NAB1: variants seen among roughly 807,000 people sequenced by gnomAD.
NAB1 encodes the protein NGFI-A binding protein 1, also known as NGFI-A-binding protein 1.
A neutral mutation model predicts 49.9 loss-of-function variants in NAB1; 25 were observed. That is an observed-to-expected ratio of 0.50 (90% confidence interval 0.37 to 0.70). NAB1 has a LOEUF of 0.70. NAB1 is among the 30% of genes least tolerant of loss of function. NAB1 has a pLI of 0.00. For missense variants in NAB1, 489 were observed against 575.9 expected, an observed-to-expected ratio of 0.85 and a Z score of 1.54; for synonymous variants, 198 against 215.6, an observed-to-expected ratio of 0.92 and a Z score of 0.71.
In NAB1 at chr2:190,659,082, T is replaced by G. The variant is rs1265200529; in HGVS notation, c.-19-76T>G. ...GCTTCTCGTTTTTGTTCTTAAAACCTGTAGTGTAACCTATTTGGTGTAAGG... is the reference window on the plus strand; with the variant it reads ...GCTTCTCGTTTTTGTTCTTAAAACCGGTAGTGTAACCTATTTGGTGTAAGG... On this transcript the variant is annotated intron_variant, in intron 3 of 9. Transcript: ENST00000337386. This position sits in a 1 kb window ranked among gnomAD's most constrained non-coding sequence, Gnocchi z 6.2. The G allele has an allele frequency of 2.1e-6, 2 of 947,522 alleles. No homozygotes were observed. Among genetic ancestry groups the G allele is most frequent in the East Asian group, 5.2e-5 (2 of 38,534 alleles). 58.7% of individuals were successfully genotyped at this position (947,522 alleles called of 1,614,324 possible).
chr2:190,665,216 G>A (rs542833659), intron 4 of NAB1, among the ~76,000 whole-genome samples: 63 of 151,924 alleles, frequency 4.1e-4, no homozygotes, highest in African/African-American at 1.3e-3. Context: ...CTAGCTACTC[G>A]GGAGGCTGAG....
intron 4 of NAB1, among the ~76,000 whole-genome samples, chr2:190,665,651 T>G (rs1694479257): frequency 6.6e-6 from 1 of 152,200 alleles, no homozygotes; most frequent in Non-Finnish European, 1.5e-5. Flanking sequence ...GGTTATTTGC[T>G]TTTTCTTTTT....
chr2:190,657,024 A>G lies in NAB1; in HGVS notation c.-20+871A>G, dbSNP rs1333214091. On this transcript the variant is annotated intron_variant, in intron 3 of 9. Transcript: ENST00000337386. The surrounding 1 kb of genome is among the most constrained non-coding windows in gnomAD (Gnocchi z 4.4). The stretch of plus-strand genomic sequence containing the variant: ...GTCTATTTTGATCATGTGTATGTAT[A>G]TACACATTACACATGTACTTTTTTT... Among the ~76,000 whole-genome samples, 3 of 152,306 alleles carry G rather than the reference A, an allele frequency of 2.0e-5. No individual in the cohort carries two copies. In the East Asian group the frequency reaches 5.8e-4, roughly 29 times the overall value.
Position 190,685,777 on chromosome 2 carries a change from A to T in NAB1, c.1258+139A>T. The T allele has an allele frequency of 1.3e-6, 1 of 751,602 alleles. No individual in the cohort carries two copies. The highest frequency in any genetic ancestry group is 1.9e-6 in the Non-Finnish European group (1 of 529,166). The allele number at this position is 751,602 out of a possible 1,614,324, so 46.6% of individuals were successfully genotyped here. On this transcript the variant is annotated intron_variant, in intron 8 of 9. Transcript: ENST00000337386. The surrounding 1 kb of genome is among the most constrained non-coding windows in gnomAD (Gnocchi z 4.5). ...TTCTCTTATCAAAATTATTTTTTGAATTCTTCATTTTTCTAAAAAGATAAT... is the reference window on the plus strand; with the variant it reads ...TTCTCTTATCAAAATTATTTTTTGATTTCTTCATTTTTCTAAAAAGATAAT...
rs1248753328 is a variant in NAB1 at position 190,659,576 on chromosome 2, A to C, written c.400A>C (p.Thr134Pro). 1 of 1,614,234 alleles carries C rather than the reference A, an allele frequency of 6.2e-7. No individual in the cohort carries two copies. The highest frequency in any genetic ancestry group is 1.7e-5 in the Admixed American group (1 of 60,020). The change falls in exon 4 of 10, where the codon ACC becomes CCC. Residue 134 changes from threonine to proline, a missense_variant. Coordinates refer to ENST00000337386, the MANE Select transcript of NAB1 (RefSeq NM_005966.4). This position sits in a 1 kb window ranked among gnomAD's most constrained non-coding sequence, Gnocchi z 6.2. The part of the protein sequence containing the change: ...HLKIPKCAAT[T>P]CVQSLGQGKS... ...AAAAATCCCCAAATGTGCTGCCACC[A>C]CCTGTGTGCAGAGCTTGGGACAGGG...
In NAB1 at chr2:190,679,449, G is replaced by A. The variant is rs758618614; in HGVS notation, c.1006-4289G>A. On this transcript the variant is annotated intron_variant, in intron 6 of 9. Transcript: ENST00000337386. This position sits in a 1 kb window ranked among gnomAD's most constrained non-coding sequence, Gnocchi z 5.3. ...AGGCTTTTATTTATCTTTATTAATG[G>A]TGGAATAGTGTCCATTTTCTAGCAA... Among the ~76,000 whole-genome samples, 7 of 152,110 alleles carry A rather than the reference G, an allele frequency of 4.6e-5. No homozygotes were observed. The highest frequency in any genetic ancestry group is 7.4e-5 in the Non-Finnish European group (5 of 68,014).
At position 190,688,933 on chromosome 2, in the gene NAB1, G is replaced by A. The variant is rs58250525; in HGVS notation, c.1376-1312G>A. ...CGGCTCACTCCAGCTCCTCCTCCCG[G>A]GTTTACGCCATTCTCCTGCCTCAGC... On this transcript the variant is annotated intron_variant, in intron 9 of 9. Transcript: ENST00000337386. Among the ~76,000 whole-genome samples the A allele has an allele frequency of 4.8e-3, 730 of 151,868 alleles. 4 individuals are homozygous for A. The highest frequency in any genetic ancestry group is 0.017 in the African/African-American group (705 of 41,406).
rs1695171253 is a variant in NAB1, at chr2:190,678,324, TAAG to T, written c.1005+5175_1005+5177del. Among the ~76,000 whole-genome samples the T allele has an allele frequency of 6.6e-6, 1 of 152,212 alleles. No individual in the cohort carries two copies. The highest frequency in any genetic ancestry group is 2.1e-4 in the South Asian group (1 of 4,836). On this transcript the variant is annotated intron_variant, in intron 6 of 9. Transcript: ENST00000337386. The surrounding 1 kb of genome is among the most constrained non-coding windows in gnomAD (Gnocchi z 4.9). Reference sequence around the variant, plus strand: ...TCAATTGGTAACCTTTCTTTTTCATTAAGAACACATTCAGTTCCATGAACAAAT... The same window carrying T: ...TCAATTGGTAACCTTTCTTTTTCATTAACACATTCAGTTCCATGAACAAAT...
rs569995817 is a variant in NAB1 at position 190,679,610 on chromosome 2, T to G, written c.1006-4128T>G. On this transcript the variant is annotated intron_variant, in intron 6 of 9. Transcript: ENST00000337386. The surrounding 1 kb of genome is among the most constrained non-coding windows in gnomAD (Gnocchi z 5.3). ...CCAAGGTTCACTTATTTGCGTTACT[T>G]TATTTAATCCCCACAAACTTCCAGT... Among the ~76,000 whole-genome samples the G allele has an allele frequency of 6.6e-6, 1 of 152,322 alleles. No individual in the cohort carries two copies. Among genetic ancestry groups the G allele is most frequent in the Admixed American group, 6.5e-5 (1 of 15,302 alleles).
In NAB1 at chr2:190,649,693, C is replaced by CG. The variant is rs1307051790; in HGVS notation, c.-333-152dup. The CG allele has an allele frequency of 6.6e-6, 1 of 152,108 alleles. No individual in the cohort carries two copies. The highest frequency in any genetic ancestry group is 1.9e-4 in the East Asian group (1 of 5,170). 9.4% of individuals were successfully genotyped at this position (152,108 alleles called of 1,614,324 possible). A position where few individuals can be genotyped will look rare whatever the true frequency, so the allele number is the denominator to read the frequency against. ...CGTCACACGGCGCTCTGGGGGTGTG[C>CG]GATGTGGGTTGTGCGCGCCGGCCCC... On this transcript the variant is annotated intron_variant, in intron 1 of 9. Coordinates refer to ENST00000337386, the MANE Select transcript of NAB1 (RefSeq NM_005966.4). The surrounding 1 kb of genome is among the most constrained non-coding windows in gnomAD (Gnocchi z 6.1).
chr2:190,651,926 A>G lies in NAB1; in HGVS notation c.-197+1944A>G, dbSNP rs946323142. ...CATAAATAATACCCACTTGAGCATA[A>G]TAGAAGATTGCTAGACCCTTTGCTT... is the stretch of plus-strand genomic sequence containing the variant. On this transcript the variant is annotated intron_variant, in intron 2 of 9. Transcript: ENST00000337386. The surrounding 1 kb of genome is among the most constrained non-coding windows in gnomAD (Gnocchi z 4.3). Among the ~76,000 whole-genome samples the G allele has an allele frequency of 6.6e-6, 1 of 152,230 alleles. No individual in the cohort carries two copies. The highest frequency in any genetic ancestry group is 2.4e-5 in the African/African-American group (1 of 41,464).
Position 190,689,821 on chromosome 2 carries a change from C to A in NAB1, c.1376-424C>A, listed in dbSNP as rs867783501. Reference sequence around the variant, plus strand: ...CCAGTAACAGTTATTTATGAATAATCAGCTTCCTTTTATATATTTATCATG... The same window carrying A: ...CCAGTAACAGTTATTTATGAATAATAAGCTTCCTTTTATATATTTATCATG... On this transcript the variant is annotated intron_variant, in intron 9 of 9. Transcript: ENST00000337386. The surrounding 1 kb of genome is among the most constrained non-coding windows in gnomAD (Gnocchi z 4.3). 1.3e-5 allele frequency among the ~76,000 whole-genome samples: 2 copies of A among 151,762 alleles called. No individual in the cohort carries two copies. Among genetic ancestry groups the A allele is most frequent in the Non-Finnish European group, 2.9e-5 (2 of 67,908 alleles).
At position 190,649,505 on chromosome 2, in the gene NAB1, C is replaced by T. The variant is rs1007989113; in HGVS notation, c.-334+145C>T. 4 of 151,770 alleles carry T rather than the reference C, an allele frequency of 2.6e-5. No homozygotes were observed. The highest frequency in any genetic ancestry group is 6.6e-5 in the Admixed American group (1 of 15,258). 9.4% of individuals were successfully genotyped at this position (151,770 alleles called of 1,614,324 possible). On this transcript the variant is annotated intron_variant, in intron 1 of 9. Coordinates refer to ENST00000337386, the MANE Select transcript of NAB1 (RefSeq NM_005966.4). The surrounding 1 kb of genome is among the most constrained non-coding windows in gnomAD (Gnocchi z 6.1). ...GGGCGGTGTCCGGGGGAAGCGGGCTCCGCGCGGCCGCCGCCGGAAGGAGAG... is the reference window on the plus strand; with the variant it reads ...GGGCGGTGTCCGGGGGAAGCGGGCTTCGCGCGGCCGCCGCCGGAAGGAGAG...
At chr2:190,687,145 A>G in intron 8 of NAB1, 56 bp from the exon 9 acceptor site, 3 of 1,175,026 alleles carry the variant, frequency 2.6e-6, no homozygotes, top group Non-Finnish European at 3.5e-6. Context: ...TTTATTTTTA[A>G]GAAAAACCAT....
rs1338573288 is a variant in NAB1 at position 190,669,304 on chromosome 2, C to T, written c.820-1022C>T. Among the ~76,000 whole-genome samples, 1 of 152,210 alleles carries T rather than the reference C, an allele frequency of 6.6e-6. No individual in the cohort carries two copies. Among genetic ancestry groups the T allele is most frequent in the Non-Finnish European group, 1.5e-5 (1 of 68,030 alleles). Reference sequence around the variant, plus strand: ...CTGTGGGTAAGGGGGTACTGCCGTACCTGATTTCTTATGAAAAGAAAACAA... The same window carrying T: ...CTGTGGGTAAGGGGGTACTGCCGTATCTGATTTCTTATGAAAAGAAAACAA... On this transcript the variant is annotated intron_variant, in intron 4 of 9. Coordinates refer to ENST00000337386, the MANE Select transcript of NAB1 (RefSeq NM_005966.4). The surrounding 1 kb of genome is among the most constrained non-coding windows in gnomAD (Gnocchi z 4.3).
At position 190,680,340 on chromosome 2, in the gene NAB1, T is replaced by C. The variant is rs1393119383; in HGVS notation, c.1006-3398T>C. Among the ~76,000 whole-genome samples, 1 of 152,170 alleles carries C rather than the reference T, an allele frequency of 6.6e-6. No homozygotes were observed. The highest frequency in any genetic ancestry group is 1.5e-5 in the Non-Finnish European group (1 of 68,018). On this transcript the variant is annotated intron_variant, in intron 6 of 9. Coordinates refer to ENST00000337386, the MANE Select transcript of NAB1 (RefSeq NM_005966.4). The surrounding 1 kb of genome is among the most constrained non-coding windows in gnomAD (Gnocchi z 5.2). Reference sequence around the variant, plus strand: ...TCCCTCACCACTCCCTCTTTTTCAGTGTATATTGAATATTTTCCGGCTTCC... The same window carrying C: ...TCCCTCACCACTCCCTCTTTTTCAGCGTATATTGAATATTTTCCGGCTTCC...
At chr2:190,690,199 TC>T in intron 9 of NAB1, 45 bp from the exon 10 acceptor site, 1 of 1,285,734 alleles carries the variant, frequency 7.8e-7, no homozygotes, top group Non-Finnish European at 1.1e-6. Context: ...ATTTTTGTAG[TC>T]CATTGATTAA....
rs748832731 is a variant in NAB1, at chr2:190,659,999, C to G, written c.819+4C>G. Reference sequence around the variant, plus strand: ...GAAACATCTCACACTTCATGAGGTACAAAGCCCGCGTTGTTCCTTCTGTGT... The same window carrying G: ...GAAACATCTCACACTTCATGAGGTAGAAAGCCCGCGTTGTTCCTTCTGTGT... On this transcript the variant is annotated splice_donor_region_variant and intron_variant, in intron 4 of 9. Transcript: ENST00000337386. The surrounding 1 kb of genome is among the most constrained non-coding windows in gnomAD (Gnocchi z 6.2). 8 of 1,605,676 alleles carry G rather than the reference C, an allele frequency of 5.0e-6. No individual in the cohort carries two copies. The highest frequency in any genetic ancestry group is 4.0e-5 in the African/African-American group (3 of 74,790).
At position 190,686,677 on chromosome 2, in the gene NAB1, G is replaced by C. The variant is rs565954555; in HGVS notation, c.1259-524G>C. On this transcript the variant is annotated intron_variant, in intron 8 of 9. Transcript: ENST00000337386. The surrounding 1 kb of genome is among the most constrained non-coding windows in gnomAD (Gnocchi z 5.5). ...TAATTTGTGACACCAGGATAATTCAGTGTGGGGTGACAATTTGCTAATGTG... is the reference window on the plus strand; with the variant it reads ...TAATTTGTGACACCAGGATAATTCACTGTGGGGTGACAATTTGCTAATGTG... 6.6e-6 allele frequency among the ~76,000 whole-genome samples: 1 copy of C among 152,194 alleles called. No homozygotes were observed. The highest frequency in any genetic ancestry group is 2.1e-4 in the South Asian group (1 of 4,834).
Sources: allele counts gnomAD v4.1 joint callset (sites outside exome capture counted in the v4.1 genomes callset), GRCh38; gene constraint gnomAD v4.1.1; non-coding constraint Gnocchi (gnomAD v3.1); transcripts MANE v1.5; gene names NCBI Gene and HGNC (gene_info 2026-07-23, HGNC 2026-07-21).